FDX1: variants seen among roughly 807,000 people sequenced by gnomAD.
FDX1 encodes ferredoxin 1, also known as adrenodoxin, mitochondrial.
Under a neutral mutation model 14.9 loss-of-function variants are expected in FDX1, and 9 were observed. That is an observed-to-expected ratio of 0.60 (90% CI 0.36 to 1.05). FDX1 has a LOEUF of 1.05. FDX1 is among the 50% of genes least tolerant of loss of function. The pLI, the probability that FDX1 is intolerant of heterozygous loss-of-function variation, is 0.01. For synonymous variants in FDX1, 92 were observed against 99.4 expected (o/e 0.93, Z 0.44); for missense variants, 204 against 237.2 (o/e 0.86, Z 0.92).
intron 2 of FDX1, among the ~76,000 whole-genome samples, chr11:110,452,158 G>A (rs994353461): frequency 5.3e-5 from 8 of 152,078 alleles, no homozygotes; most frequent in African/African-American, 1.9e-4. Context: ...TTTAGGACCT[G>A]TGGGTAGGTA....
At chr11:110,433,736 TACAC>T (rs10568169) in intron 1 of FDX1, among the ~76,000 whole-genome samples, 2 of 151,600 alleles carry the variant, frequency 1.3e-5, no homozygotes, top group Non-Finnish European at 2.9e-5. Flanking sequence ...AACATTCTGG[TACAC>T]ACACACACAC....
rs1301917736 is a variant in FDX1, at chr11:110,444,676, A to G, written c.310+8718A>G. ...TATATATATATATACGTATATATAT[A>G]TATATATACACGTATATATATATAT... On this transcript the variant is annotated intron_variant, in intron 2 of 3. Coordinates refer to ENST00000260270, the MANE Select transcript of FDX1 (RefSeq NM_004109.5). 1.4e-3 allele frequency among the ~76,000 whole-genome samples: 115 copies of G among 79,426 alleles called. 6 individuals carry two copies. The East Asian group carries it at 0.018, about 13-fold the overall frequency. 52.1% of individuals were successfully genotyped at this position (79,426 alleles called of 152,430 possible).
intron 1 of FDX1, among the ~76,000 whole-genome samples, chr11:110,434,334 A>ATTTACTT (rs71476086): frequency 7.9e-6 from 1 of 126,408 alleles, no homozygotes; most frequent in African/African-American, 3.0e-5. Flanking sequence ...CGCCCTATTG[A>ATTTACTT]TTTTTTTTTT....
intron 2 of FDX1, among the ~76,000 whole-genome samples, chr11:110,446,340 CCGTACTCCAAA>C (rs1946449855): frequency 6.6e-6 from 1 of 152,222 alleles, no homozygotes. Context: ...CAGATGAACA[CCGTACTCCAAA>C]CATGGCTGAC....
Position 110,462,668 on chromosome 11 carries a change from C to A in FDX1, c.*200C>A. On this transcript the variant is annotated 3_prime_UTR_variant, in exon 4 of 4. Coordinates refer to ENST00000260270, the MANE Select transcript of FDX1 (RefSeq NM_004109.5). Reference sequence around the variant, plus strand: ...TATTTTGGTTATATTACAAAAATGTCAATCAAATATTAAAAAATAGTTAAT... The same window carrying A: ...TATTTTGGTTATATTACAAAAATGTAAATCAAATATTAAAAAATAGTTAAT... 1 of 361,650 alleles carries A rather than the reference C, an allele frequency of 2.8e-6. No individual in the cohort carries two copies. Among genetic ancestry groups the A allele is most frequent in the Non-Finnish European group, 4.9e-6 (1 of 202,124 alleles). The allele number at this position is 361,650 out of a possible 1,614,324, so 22.4% of individuals were successfully genotyped here.
chr11:110,456,915 C>T lies in FDX1; in HGVS notation c.311-3C>T, dbSNP rs772972168. Reference sequence around the variant, plus strand: ...TATGTTCAGTGTTTGTTGCTTTTGTCAGGTGCATGTGAGGGAACCCTGGCT... The same window carrying T: ...TATGTTCAGTGTTTGTTGCTTTTGTTAGGTGCATGTGAGGGAACCCTGGCT... On this transcript the variant is annotated splice_polypyrimidine_tract_variant and splice_region_variant and intron_variant, in intron 2 of 3. Coordinates refer to ENST00000260270, the MANE Select transcript of FDX1 (RefSeq NM_004109.5). 3 of 1,608,936 alleles carry T rather than the reference C, an allele frequency of 1.9e-6. No homozygotes were observed. Among genetic ancestry groups the T allele is most frequent in the Non-Finnish European group, 2.5e-6 (3 of 1,177,352 alleles).
At chr11:110,437,223 G>C (rs1426268591) in intron 2 of FDX1, among the ~76,000 whole-genome samples, 1 of 152,086 alleles carries the variant, frequency 6.6e-6, no homozygotes. Flanking sequence ...TGAACTCCTG[G>C]GCTCAAGAGA....
rs1490799049 is a variant in FDX1, at chr11:110,434,737, T to G, written c.186-1097T>G. On this transcript the variant is annotated intron_variant, in intron 1 of 3. Transcript: ENST00000260270. ...GATGACTTTTTTTGTTTTTTTTTTT[T>G]TTTTTTTTTTTGAGACAGGGCCTTG... Among the ~76,000 whole-genome samples the G allele has an allele frequency of 1.4e-4, 20 of 140,358 alleles. 1 individual carries two copies. Among genetic ancestry groups the G allele is most frequent in the East Asian group, 6.1e-4 (3 of 4,920 alleles). The allele number at this position is 140,358 out of a possible 152,430, so 92.1% of individuals were successfully genotyped here. A position where few individuals can be genotyped will look rare whatever the true frequency, so the allele number is the denominator to read the frequency against.
intron 2 of FDX1, among the ~76,000 whole-genome samples, chr11:110,443,632 C>A (rs902792059): frequency 6.6e-6 from 1 of 151,802 alleles, no homozygotes; most frequent in Non-Finnish European, 1.5e-5. Context: ...TTAGCAGAGA[C>A]GGGGTTTCAC....
chr11:110,433,212 A>G (rs1787687085), intron 1 of FDX1, among the ~76,000 whole-genome samples: 1 of 152,246 alleles, frequency 6.6e-6, no homozygotes, highest in Non-Finnish European at 1.5e-5. Context: ...AGCTTTAGCT[A>G]CCAGGCATTC....
chr11:110,462,545 A>C lies in FDX1; in HGVS notation c.*77A>C. On this transcript the variant is annotated 3_prime_UTR_variant, in exon 4 of 4. Transcript: ENST00000260270. The stretch of plus-strand genomic sequence containing the variant: ...TTATTTCTTAAAGTGATTAAATGAG[A>C]ACATGGATGAGTGGACTTCATATTA... The C allele has an allele frequency of 1.4e-6, 1 of 737,496 alleles. No individual in the cohort carries two copies. Among genetic ancestry groups the C allele is most frequent in the Non-Finnish European group, 2.2e-6 (1 of 455,128 alleles). The allele number at this position is 737,496 out of a possible 1,614,324, so 45.7% of individuals were successfully genotyped here.
intron 1 of FDX1, among the ~76,000 whole-genome samples, chr11:110,435,019 G>A (rs4754452): frequency 1.3e-5 from 2 of 151,544 alleles, no homozygotes; most frequent in Admixed American, 1.3e-4. Context: ...CTCCCAAAGT[G>A]CTAGGAGTAC....
At chr11:110,445,341 G>A (rs1325284419) in intron 2 of FDX1, among the ~76,000 whole-genome samples, 2 of 151,972 alleles carry the variant, frequency 1.3e-5, no homozygotes, top group African/African-American at 4.8e-5. Flanking sequence ...ATACTTGAAA[G>A]TATTCTTTTA....
chr11:110,447,940 C>T (rs1253776582), intron 2 of FDX1, among the ~76,000 whole-genome samples: 1 of 152,166 alleles, frequency 6.6e-6, no homozygotes, highest in Non-Finnish European at 1.5e-5. Flanking sequence ...CTGTTTAATT[C>T]CTCATTGTAT....
intron 3 of FDX1, among the ~76,000 whole-genome samples, chr11:110,460,608 C>T (rs188579123): frequency 6.6e-5 from 10 of 152,358 alleles, no homozygotes; most frequent in African/African-American, 2.4e-4. Context: ...CTTTCTCCCT[C>T]GGTGGCATTT....
At chr11:110,444,748 G>GTATATATATATATATACACGTATA (rs1946438466) in intron 2 of FDX1, among the ~76,000 whole-genome samples, 1 of 29,844 alleles carries the variant, frequency 3.4e-5, no homozygotes, top group African/African-American at 1.2e-4. Context: ...ATATATACAC[G>GTATATATATATATATACACGTATA]TATATATATA....
chr11:110,444,688 G>GTATATATATATATACGTA (rs1565381882), intron 2 of FDX1, among the ~76,000 whole-genome samples: 3 of 24,882 alleles, frequency 1.2e-4, no homozygotes, highest in Admixed American at 5.5e-4. Context: ...ATATATACAC[G>GTATATATATATATACGTA]TATATATATA....
In FDX1 at chr11:110,437,037, C is replaced by T. The variant is rs187542687; in HGVS notation, c.310+1079C>T. On this transcript the variant is annotated intron_variant, in intron 2 of 3. Coordinates refer to ENST00000260270, the MANE Select transcript of FDX1 (RefSeq NM_004109.5). ...TTGAGACAGGATCTTGCTCTGTCAC[C>T]CAGGCTGAAGTGCGGTCGTGCAATC... Among the ~76,000 whole-genome samples the T allele has an allele frequency of 2.9e-3, 444 of 152,194 alleles. 2 individuals are homozygous for T. The highest frequency in any genetic ancestry group is 0.01 in the African/African-American group (422 of 41,526).
rs1453475786 is a variant in FDX1, at chr11:110,457,959, G to A, written c.440+912G>A. ...CCTGGGAAGAGAAACTGGTGAAATA[G>A]TATCTCTTTGGACACCAAAGCAGAG... On this transcript the variant is annotated intron_variant, in intron 3 of 3. Coordinates refer to ENST00000260270, the MANE Select transcript of FDX1 (RefSeq NM_004109.5). Among the ~76,000 whole-genome samples, 3 of 152,126 alleles carry A rather than the reference G, an allele frequency of 2.0e-5. No individual in the cohort carries two copies. The East Asian group carries it at 5.8e-4, about 29-fold the overall frequency.
Sources: gnomAD v4.1 joint callset for allele counts (sites outside exome capture counted in the v4.1 genomes callset) on GRCh38, gnomAD v4.1.1 for gene constraint, MANE v1.5 for transcripts, NCBI Gene and HGNC (gene_info 2026-07-23, HGNC 2026-07-21) for gene names.